The following DGLUCY variants were observed in gnomAD, a reference collection of about 807,000 sequenced individuals.
DGLUCY encodes D-glutamate cyclase.
DGLUCY carries 58 observed loss-of-function variants against 58.5 expected under a neutral mutation model. That is an observed-to-expected ratio of 0.99 (90% CI 0.80 to 1.23). The LOEUF is 1.23. Ranked by LOEUF, DGLUCY falls within the 50% of genes most tolerant of loss-of-function variation. The pLI is 0.00. For missense variants in DGLUCY, 779 were observed against 784.7 expected (o/e 0.99, Z 0.09); for synonymous variants, 325 against 314.1 (o/e 1.03, Z -0.37).
At chr14:91,081,738 A>AT (rs1407030625) in intron 1 of DGLUCY, among the ~76,000 whole-genome samples, 2 of 150,242 alleles carry the variant, frequency 1.3e-5, no homozygotes, top group Admixed American at 6.6e-5. Flanking sequence ...ATTTTATTTT[A>AT]TTTATTTATT....
intron 1 of DGLUCY, among the ~76,000 whole-genome samples, chr14:91,101,054 G>A (rs898022758): frequency 6.6e-6 from 1 of 151,866 alleles, no homozygotes; most frequent in Non-Finnish European, 1.5e-5. Flanking sequence ...CTGGGCAACA[G>A]AGCGAGACTC....
chr14:91,153,731 G>C (rs1432306814), intron 1 of DGLUCY, among the ~76,000 whole-genome samples: 1 of 152,238 alleles, frequency 6.6e-6, no homozygotes, highest in Non-Finnish European at 1.5e-5. Context: ...GATGAAGGCA[G>C]CCTCTCCCCT....
chr14:91,127,053 CTTTTTTTTTTT>C (rs11407228), intron 1 of DGLUCY, among the ~76,000 whole-genome samples: 1 of 98,372 alleles, frequency 1.0e-5, no homozygotes, highest in Non-Finnish European at 1.9e-5. Context: ...TGATGATACT[CTTTTTTTTTTT>C]TTTTTTTTTT....
At chr14:91,214,327 A>G (rs570448336) in intron 12 of DGLUCY, among the ~76,000 whole-genome samples, 2 of 152,164 alleles carry the variant, frequency 1.3e-5, no homozygotes, top group South Asian at 4.1e-4. Flanking sequence ...TTCTTCTTCA[A>G]CTGCATGGAG....
In DGLUCY at chr14:91,186,973, A is replaced by C. The variant is rs1199858183; in HGVS notation, c.935-1937A>C. Among the ~76,000 whole-genome samples the C allele has an allele frequency of 6.7e-5, 10 of 149,226 alleles. No individual in the cohort carries two copies. The Admixed American group carries it at 6.8e-4, about 10-fold the overall frequency. On this transcript the variant is annotated intron_variant, in intron 8 of 13. Coordinates refer to ENST00000256324, the MANE Select transcript of DGLUCY (RefSeq NM_001102368.3). The stretch of plus-strand genomic sequence containing the variant: ...GTTCTAAATCAGGAACTGTTCCTCC[A>C]TAACAGAAATCCAAACCCCATGTCT...
chr14:91,167,389 T>C lies in DGLUCY; in HGVS notation c.257+11T>C, dbSNP rs1343362955. The stretch of plus-strand genomic sequence containing the variant: ...TATCTCAGAGACCAGGTAAAAAGCT[T>C]GGGTTACTGTGGGTTGAAGCTTGGG... On this transcript the variant is annotated intron_variant, in intron 4 of 13. Coordinates refer to ENST00000256324, the MANE Select transcript of DGLUCY (RefSeq NM_001102368.3). The C allele has an allele frequency of 6.2e-7, 1 of 1,614,092 alleles. No homozygotes were observed. Among genetic ancestry groups the C allele is most frequent in the African/African-American group, 1.3e-5 (1 of 75,040 alleles).
Position 91,220,066 on chromosome 14 carries a change from C to T in DGLUCY, c.1716+4510C>T, listed in dbSNP as rs368080498. On this transcript the variant is annotated intron_variant, in intron 13 of 13. Transcript: ENST00000256324. The stretch of plus-strand genomic sequence containing the variant: ...TGGTCTGGGTTAGGGCCACTCTCTT[C>T]CCTGTATTTCTGTAGTTTGTGGACT... 1.5e-4 allele frequency among the ~76,000 whole-genome samples: 23 copies of T among 152,340 alleles called. No individual in the cohort carries two copies. In the South Asian group the frequency reaches 4.6e-3, roughly 30 times the overall value.
intron 2 of DGLUCY, chr14:91,158,706 T>TCC (rs1456678961): frequency 6.6e-6 from 1 of 152,166 alleles, no homozygotes; most frequent in Non-Finnish European, 1.5e-5. Context: ...CTTACTGAAC[T>TCC]CCCACCTTTG....
intron 12 of DGLUCY, among the ~76,000 whole-genome samples, chr14:91,205,876 T>G (rs1884605398): frequency 6.8e-6 from 1 of 146,660 alleles, no homozygotes; most frequent in Admixed American, 6.9e-5. Context: ...GAGCGTGCTT[T>G]GTTGCCCAGG....
chr14:91,153,567 G>C (rs1483798504), intron 1 of DGLUCY, among the ~76,000 whole-genome samples: 1 of 152,184 alleles, frequency 6.6e-6, no homozygotes, highest in African/African-American at 2.4e-5. Context: ...AGATGGAAAG[G>C]CTTGTCTTCT....
rs542938589 is a variant in DGLUCY, at chr14:91,076,585, C to T, written c.-82+15881C>T. Among the ~76,000 whole-genome samples the T allele has an allele frequency of 3.9e-5, 6 of 152,156 alleles. No individual in the cohort carries two copies. The East Asian group carries it at 9.7e-4, about 24-fold the overall frequency. ...TTCCAATAGGAACCTGTTTAGGACC[C>T]GGTGGAGGTGGAAAAGGGCAAGTGC... On this transcript the variant is annotated intron_variant, in intron 1 of 4. Coordinates refer to the DGLUCY transcript ENST00000521334.
At chr14:91,189,978 CTTTTTTTTTTTT>C (rs55652724) in intron 9 of DGLUCY, among the ~76,000 whole-genome samples, 9 of 81,004 alleles carry the variant, frequency 1.1e-4, no homozygotes, top group Non-Finnish European at 1.9e-4. Flanking sequence ...CTGTTAGGTT[CTTTTTTTTTTTT>C]TTTTTTTTTT....
rs182994371 is a variant in DGLUCY, at chr14:91,151,706, G to A, written c.-81-5933G>A. Among the ~76,000 whole-genome samples the A allele has an allele frequency of 4.1e-3, 602 of 148,348 alleles. 3 individuals are homozygous for A. Among genetic ancestry groups the A allele is most frequent in the Non-Finnish European group, 6.7e-3 (451 of 67,508 alleles). ...GTCTTGCTCTGTCACCCAGGCTGGA[G>A]TGCAGTGGTGCGATCTTGGCTCACT... On this transcript the variant is annotated intron_variant, in intron 1 of 13. Coordinates refer to ENST00000256324, the MANE Select transcript of DGLUCY (RefSeq NM_001102368.3).
At chr14:91,103,875 G>A (rs193104474), upstream of DGLUCY, among the ~76,000 whole-genome samples, 110 of 151,224 alleles carry the variant, frequency 7.3e-4, no homozygotes, top group African/African-American at 2.6e-3. Flanking sequence ...ACATTCCCTT[G>A]TCCCCGCCCC....
intron 5 of DGLUCY, 133 bp downstream of exon 5, chr14:91,170,334 C>T (rs1482652917): frequency 1.0e-6 from 1 of 996,864 alleles, no homozygotes; most frequent in Non-Finnish European, 1.4e-6. Context: ...TCAGCCATTT[C>T]TAGCTGTGCA....
intron 1 of DGLUCY, among the ~76,000 whole-genome samples, chr14:91,081,273 A>T (rs1267060644): frequency 1.3e-5 from 2 of 152,230 alleles, no homozygotes; most frequent in African/African-American, 4.8e-5. Flanking sequence ...TGTTCTACAC[A>T]AACAAGTACA....
chr14:91,107,317 G>A (rs1477557055), upstream of DGLUCY, among the ~76,000 whole-genome samples: 2 of 151,964 alleles, frequency 1.3e-5, no homozygotes, highest in African/African-American at 4.8e-5. Context: ...TCGGGAGTTC[G>A]AGACCAGCCT....
At chr14:91,078,784 T>C (rs994247172) in intron 1 of DGLUCY, among the ~76,000 whole-genome samples, 28 of 152,106 alleles carry the variant, frequency 1.8e-4, no homozygotes, top group Admixed American at 1.4e-3. Flanking sequence ...TGGAGCAAAA[T>C]GATCTTTAAC....
At chr14:91,110,345 C>G (rs963484067), upstream of DGLUCY, among the ~76,000 whole-genome samples, 1 of 152,094 alleles carries the variant, frequency 6.6e-6, no homozygotes, top group African/African-American at 2.4e-5. Context: ...AAAGGAAAAG[C>G]TAGGGCATGT....
Sources: gnomAD v4.1 joint callset for allele counts (sites outside exome capture counted in the v4.1 genomes callset) on GRCh38, gnomAD v4.1.1 for gene constraint, MANE v1.5 for transcripts, NCBI Gene and HGNC (gene_info 2026-07-23, HGNC 2026-07-21) for gene names.